Variants in MID1 observed in about 807,000 individuals in gnomAD.
MID1 encodes E3 ubiquitin-protein ligase Midline-1.
Under a neutral mutation model 40.4 loss-of-function variants are expected in MID1, and 7 were observed. The ratio of observed to expected loss-of-function variants is 0.17; its 90% CI spans 0.10 to 0.33. The LOEUF is 0.33. Among genes scored for constraint, MID1 ranks in the 10% least tolerant of loss-of-function variants. MID1 has a pLI of 1.00. For synonymous variants in MID1, 229 were observed against 221.2 expected (o/e 1.04, Z -0.31); for missense variants, 367 against 558.5 (o/e 0.66, Z 3.46).
chrX:10,715,859 C>T (rs974572789), intron 1 of MID1, among the ~76,000 whole-genome samples: 2 of 111,424 alleles, frequency 1.8e-5, no homozygotes, highest in African/African-American at 6.5e-5. Flanking sequence ...TCCAGAGGAG[C>T]GATCAGGCAG....
intron 1 of MID1, among the ~76,000 whole-genome samples, chrX:10,604,266 A>C (rs1330188242): frequency 8.9e-6 from 1 of 111,832 alleles, no homozygotes; most frequent in African/African-American, 3.2e-5. Flanking sequence ...GTCTTTAAAT[A>C]TAGATTCTTC....
In MID1 at chrX:10,459,785, G is replaced by A. The variant is rs975568340; in HGVS notation, c.1308C>T (p.Ser436=). 7 of 1,208,491 alleles carry A rather than the reference G, an allele frequency of 5.8e-6. No homozygotes were observed. The highest frequency in any genetic ancestry group is 7.8e-6 in the Non-Finnish European group (7 of 894,919). ...NVVSLCNSAD[S]WMIVPNIKQN... ...GCTTGATGTTGGGTACTATCATCCA[G>A]CTATCAGCCGAATTACACAGACCTG... The change falls in exon 8 of 10, where the codon AGC becomes AGT. Residue 436 remains serine (S), a synonymous_variant. Coordinates refer to ENST00000317552, the MANE Select transcript of MID1 (RefSeq NM_000381.4).
intron 1 of MID1, among the ~76,000 whole-genome samples, chrX:10,654,404 C>G (rs2042855057): frequency 8.9e-6 from 1 of 111,788 alleles, no homozygotes; most frequent in Admixed American, 9.5e-5. Context: ...GGACCGGTTT[C>G]ATGGAAGACA....
chrX:10,787,141 T>A (rs2043891650), intron 1 of MID1, among the ~76,000 whole-genome samples: 1 of 111,410 alleles, frequency 9.0e-6, no homozygotes, highest in Non-Finnish European at 1.9e-5. Flanking sequence ...AGGGACACTA[T>A]ATTTATCTCA....
At position 10,445,578 on chromosome X, in the gene MID1, TTA is replaced by T. The variant is rs1269929567; in HGVS notation, c.*3788_*3789del. ...GGGTCTTGGTGCCACAAAAATGATTTTATTTTGAACCAGAAAGGAACAGCAAT... is the reference window on the plus strand; with the variant it reads ...GGGTCTTGGTGCCACAAAAATGATTTTTTTGAACCAGAAAGGAACAGCAAT... On this transcript the variant is annotated 3_prime_UTR_variant, in exon 10 of 10. Coordinates refer to ENST00000317552, the MANE Select transcript of MID1 (RefSeq NM_000381.4). 1 of 111,794 alleles carries T rather than the reference TTA, an allele frequency of 8.9e-6. No individual in the cohort carries two copies. The highest frequency in any genetic ancestry group is 1.9e-5 in the Non-Finnish European group (1 of 53,137). The allele number at this position is 111,794 out of a possible 1,213,427, so 9.2% of individuals were successfully genotyped here. A position where few individuals can be genotyped will look rare whatever the true frequency, so the allele number is the denominator to read the frequency against.
intron 1 of MID1, among the ~76,000 whole-genome samples, chrX:10,690,948 G>T (rs1221804179): frequency 1.8e-5 from 2 of 111,699 alleles, no homozygotes; most frequent in Admixed American, 9.5e-5. Context: ...GGTGATAGTG[G>T]ATGGCATCTC....
chrX:10,728,189 T>C (rs116794324), intron 1 of MID1, among the ~76,000 whole-genome samples: 1,579 of 109,409 alleles, frequency 0.014, 41 homozygotes, highest in African/African-American at 0.051. Flanking sequence ...TCATCAACTT[T>C]TCCCCCCCCA....
Position 10,568,561 on chromosome X carries a change from C to T in MID1, c.-56-958G>A, listed in dbSNP as rs372240441. 9.0e-5 allele frequency among the ~76,000 whole-genome samples: 10 copies of T among 111,294 alleles called. No individual in the cohort carries two copies. In the South Asian group the frequency reaches 3.1e-3, roughly 35 times the overall value. ...CCTTTTGGCCAAAAAACTCCCACCA[C>T]GGGCTTGTCACTGTTGCCAGCAACA... is the stretch of plus-strand genomic sequence containing the variant. On this transcript the variant is annotated intron_variant, in intron 1 of 9. Transcript: ENST00000317552.
At chrX:10,647,717 C>G (rs985462100) in intron 1 of MID1, among the ~76,000 whole-genome samples, 1 of 111,248 alleles carries the variant, frequency 9.0e-6, no homozygotes, top group African/African-American at 3.3e-5. Context: ...AATACCAGCC[C>G]TTTGTGTGGG....
chrX:10,474,120 T>C (rs1929866566), intron 6 of MID1, among the ~76,000 whole-genome samples: 1 of 111,912 alleles, frequency 8.9e-6, no homozygotes, highest in African/African-American at 3.3e-5. Flanking sequence ...AATTCTGTCA[T>C]TCCCTAGTTA....
At chrX:10,602,225 C>CTTTTTTTTTT (rs56897260) in intron 1 of MID1, among the ~76,000 whole-genome samples, 991 of 83,424 alleles carry the variant, frequency 0.012, 35 homozygotes, top group African/African-American at 0.044. Context: ...TAGTTTCTGA[C>CTTTTTTTTTT]TTTTTTTTTT....
chrX:10,619,062 C>T (rs1430723856), intron 1 of MID1, among the ~76,000 whole-genome samples: 9 of 111,648 alleles, frequency 8.1e-5, no homozygotes, highest in Non-Finnish European at 1.7e-4. Context: ...GCACTTGCTC[C>T]TCCGCAAGTG....
At chrX:10,531,122 C>T (rs1370737292) in intron 2 of MID1, among the ~76,000 whole-genome samples, 1 of 111,502 alleles carries the variant, frequency 9.0e-6, no homozygotes, top group African/African-American at 3.3e-5. Context: ...CACCCAACAC[C>T]ACCACTCCAG....
chrX:10,639,296 A>G (rs1389111962), intron 1 of MID1, among the ~76,000 whole-genome samples: 3 of 111,735 alleles, frequency 2.7e-5, no homozygotes, highest in Non-Finnish European at 5.6e-5. Flanking sequence ...TAACTAGAAT[A>G]AACAGTGTAG....
At chrX:10,520,138 T>C (rs1465648656) in intron 3 of MID1, among the ~76,000 whole-genome samples, 1 of 111,978 alleles carries the variant, frequency 8.9e-6, no homozygotes, top group Non-Finnish European at 1.9e-5. Flanking sequence ...CTGGCTCAAG[T>C]CCTGACTCTT....
intron 4 of MID1, among the ~76,000 whole-genome samples, chrX:10,490,752 TTA>T (rs763051780): frequency 2.7e-5 from 3 of 112,239 alleles, no homozygotes; most frequent in African/African-American, 9.7e-5. Flanking sequence ...GAGAATGAGA[TTA>T]TTAGTTCCTG....
At chrX:10,542,327 A>G (rs1177636428) in intron 2 of MID1, among the ~76,000 whole-genome samples, 4 of 111,717 alleles carry the variant, frequency 3.6e-5, no homozygotes, top group Admixed American at 1.9e-4. Flanking sequence ...ACTAGTGTAT[A>G]TAGTGTCTCC....
chrX:10,566,769 T>A, intron 2 of MID1, 119 bp downstream of exon 2: 1 of 772,630 alleles, frequency 1.3e-6, no homozygotes, highest in African/African-American at 2.0e-5. Flanking sequence ...CTAAAACTAA[T>A]CAGATAACAA....
At chrX:10,778,009 A>T (rs1011138538) in intron 1 of MID1, among the ~76,000 whole-genome samples, 2 of 111,326 alleles carry the variant, frequency 1.8e-5, no homozygotes, top group Admixed American at 1.9e-4. Flanking sequence ...CTCCTGAAGG[A>T]CCTGCCTAAG....
Sources: gnomAD v4.1 joint callset for allele counts (sites outside exome capture counted in the v4.1 genomes callset) on GRCh38, gnomAD v4.1.1 for gene constraint, MANE v1.5 for transcripts, NCBI Gene and HGNC (gene_info 2026-07-23, HGNC 2026-07-21) for gene names.